Variants in BORCS5 observed in about 807,000 individuals in gnomAD.
BORCS5 encodes the protein BLOC-1-related complex subunit 5.
In BORCS5, 17 loss-of-function variants were observed where a neutral mutation model predicts 22.1. The ratio of observed to expected loss-of-function variants is 0.77; its 90% CI spans 0.53 to 1.15. BORCS5 has a LOEUF of 1.15. Ranked by LOEUF, BORCS5 falls within the 50% of genes most tolerant of loss-of-function variation. The pLI, the probability that BORCS5 is intolerant of heterozygous loss-of-function variation, is 0.00. For synonymous variants in BORCS5, 117 were observed against 99.8 expected (o/e 1.17, Z -1.03); for missense variants, 247 against 253.2 (o/e 0.98, Z 0.17).
intron 1 of BORCS5, among the ~76,000 whole-genome samples, chr12:12,358,647 T>A (rs1426365871): frequency 6.6e-6 from 1 of 152,230 alleles, no homozygotes; most frequent in Non-Finnish European, 1.5e-5. Flanking sequence ...ATTTCCGATG[T>A]TAGAATTTGC....
At position 12,465,681 on chromosome 12, in the gene BORCS5, A is replaced by C; in HGVS notation, c.496A>C (p.Thr166Pro). The change falls in exon 4 of 4, where the codon ACT becomes CCT. Residue 166 changes from threonine to proline, a missense_variant. Thr to Pro is a conservative substitution (Grantham distance 38). Coordinates refer to ENST00000314565, the MANE Select transcript of BORCS5 (RefSeq NM_058169.6). ...LRRIQMGIDQ[T>P]VPLLDRLNSM... ...CCGCATACAGATGGGCATCGACCAG[A>C]CTGTGCCCCTGCTGGACAGGCTCAA... 4 of 1,614,262 alleles carry C rather than the reference A, an allele frequency of 2.5e-6. No homozygotes were observed. Among genetic ancestry groups the C allele is most frequent in the Non-Finnish European group, 3.4e-6 (4 of 1,180,046 alleles).
In BORCS5 at chr12:12,402,049, G is replaced by C. The variant is rs188767330; in HGVS notation, c.203-33579G>C. ...CCACTGCACTTCAGCCTGGGCTACA[G>C]AGCGAGACTCCGTCTCAAAAAAAAA... On this transcript the variant is annotated intron_variant, in intron 2 of 3. Transcript: ENST00000314565. Among the ~76,000 whole-genome samples the C allele has an allele frequency of 4.8e-3, 680 of 142,946 alleles. 9 individuals are homozygous for C. The highest frequency in any genetic ancestry group is 0.012 in the South Asian group (56 of 4,550). The allele number at this position is 142,946 out of a possible 152,430, so 93.8% of individuals were successfully genotyped here.
At chr12:12,459,852 AATATATTTTTAG>A (rs1943071366) in intron 3 of BORCS5, among the ~76,000 whole-genome samples, 1 of 152,182 alleles carries the variant, frequency 6.6e-6, no homozygotes, top group Admixed American at 6.5e-5. Flanking sequence ...ATCAATTAAC[AATATATTTTTAG>A]ATCATTTTTA....
chr12:12,397,631 A>G (rs185514298), intron 2 of BORCS5, among the ~76,000 whole-genome samples: 1,785 of 152,336 alleles, frequency 0.012, 29 homozygotes, highest in South Asian at 0.03. Flanking sequence ...TGGTAATTCC[A>G]TCATTGTCGA....
chr12:12,400,896 A>C (rs983825735), intron 2 of BORCS5, among the ~76,000 whole-genome samples: 1 of 152,180 alleles, frequency 6.6e-6, no homozygotes, highest in Non-Finnish European at 1.5e-5. Flanking sequence ...TTGACTTTAT[A>C]TAAGTTGTGT....
chr12:12,404,638 A>G (rs1941552638), intron 2 of BORCS5, among the ~76,000 whole-genome samples: 1 of 152,224 alleles, frequency 6.6e-6, no homozygotes, highest in Non-Finnish European at 1.5e-5. Flanking sequence ...ACTCATCCAC[A>G]TAGGAGCACT....
chr12:12,410,698 T>G (rs1025819276), intron 2 of BORCS5, among the ~76,000 whole-genome samples: 1 of 152,188 alleles, frequency 6.6e-6, no homozygotes, highest in Admixed American at 6.5e-5. Context: ...TAGGATTGAC[T>G]TGGCAACACG....
At chr12:12,378,086 T>C (rs1316008778) in intron 2 of BORCS5, among the ~76,000 whole-genome samples, 2 of 152,184 alleles carry the variant, frequency 1.3e-5, no homozygotes, top group African/African-American at 4.8e-5. Flanking sequence ...TAAAGTCTAT[T>C]ATAGGCCGGG....
chr12:12,430,339 G>A (rs1235691637), intron 2 of BORCS5, among the ~76,000 whole-genome samples: 1 of 151,934 alleles, frequency 6.6e-6, no homozygotes, highest in East Asian at 1.9e-4. Context: ...TTTTAGTAGA[G>A]ACGGGGTTTC....
intron 2 of BORCS5, among the ~76,000 whole-genome samples, chr12:12,428,029 T>C (rs1942332246): frequency 6.6e-6 from 1 of 152,242 alleles, no homozygotes; most frequent in African/African-American, 2.4e-5. Flanking sequence ...TGTTTAATTA[T>C]ACCTTCACAG....
At chr12:12,380,941 A>G (rs543515477) in intron 2 of BORCS5, among the ~76,000 whole-genome samples, 14 of 150,588 alleles carry the variant, frequency 9.3e-5, no homozygotes, top group East Asian at 1.9e-4. Context: ...TCTGGATACA[A>G]TCTCTTAATC....
chr12:12,416,011 T>A (rs556012407), intron 2 of BORCS5, among the ~76,000 whole-genome samples: 34 of 152,218 alleles, frequency 2.2e-4, no homozygotes, highest in Non-Finnish European at 1.2e-4. Context: ...TTACTAATTA[T>A]AGGTCTATTC....
chr12:12,425,600 A>G (rs1942266066), intron 2 of BORCS5, among the ~76,000 whole-genome samples: 1 of 152,254 alleles, frequency 6.6e-6, no homozygotes, highest in African/African-American at 2.4e-5. Context: ...AGTGATGTCG[A>G]GCATCCTTCA....
At chr12:12,410,546 G>A (rs1335974507) in intron 2 of BORCS5, among the ~76,000 whole-genome samples, 1 of 151,990 alleles carries the variant, frequency 6.6e-6, no homozygotes. Flanking sequence ...TAGATATGCG[G>A]CATTATTTCT....
At chr12:12,390,979 G>A (rs924296042) in intron 2 of BORCS5, among the ~76,000 whole-genome samples, 2 of 152,084 alleles carry the variant, frequency 1.3e-5, no homozygotes, top group East Asian at 1.9e-4. Context: ...AAAAGTACAC[G>A]TTAAAAGGGG....
chr12:12,401,582 A>G (rs1941476708), intron 2 of BORCS5, among the ~76,000 whole-genome samples: 1 of 152,154 alleles, frequency 6.6e-6, no homozygotes, highest in African/African-American at 2.4e-5. Context: ...ACAAAATGAC[A>G]AAAAAGAAAA....
At chr12:12,357,692 T>A (rs1245302244) in intron 1 of BORCS5, among the ~76,000 whole-genome samples, 183 bp downstream of exon 1, 1 of 151,964 alleles carries the variant, frequency 6.6e-6, no homozygotes, top group African/African-American at 2.4e-5. Flanking sequence ...GAAGTGCGTG[T>A]GACTGCAAGC....
intron 2 of BORCS5, among the ~76,000 whole-genome samples, chr12:12,428,762 TTATA>T (rs1289946425): frequency 6.6e-6 from 1 of 151,552 alleles, no homozygotes. Context: ...AGAAAAAAAA[TTATA>T]TAGTGAGATG....
In BORCS5 at chr12:12,448,641, G is replaced by A. The variant is rs141565585; in HGVS notation, c.360+12856G>A. ...CCTTCTGGTTTCAAGCGATTCTCCT[G>A]CCTCAGCCTCCCGAGTAGCTGGGAT... is the stretch of plus-strand genomic sequence containing the variant. On this transcript the variant is annotated intron_variant, in intron 3 of 3. Coordinates refer to ENST00000314565, the MANE Select transcript of BORCS5 (RefSeq NM_058169.6). 1.2e-3 allele frequency among the ~76,000 whole-genome samples: 176 copies of A among 151,512 alleles called. 1 individual carries two copies. The East Asian group carries it at 0.03, about 25-fold the overall frequency.
Sources: gnomAD v4.1 joint callset for allele counts (sites outside exome capture counted in the v4.1 genomes callset) on GRCh38, gnomAD v4.1.1 for gene constraint, MANE v1.5 for transcripts, NCBI Gene and HGNC (gene_info 2026-07-23, HGNC 2026-07-21) for gene names.